PTPRE: variants seen among roughly 807,000 people sequenced by gnomAD.
The protein encoded by PTPRE is receptor-type tyrosine-protein phosphatase epsilon.
Under a neutral mutation model 102.0 loss-of-function variants are expected in PTPRE, and 51 were observed. The observed-to-expected ratio is 0.50, with a 90% CI of 0.40 to 0.63. The LOEUF (loss-of-function observed/expected upper bound fraction) is 0.63, where lower values mean the gene tolerates loss of function less well. Among genes scored for constraint, PTPRE ranks in the 30% least tolerant of loss-of-function variants. The pLI is 0.00. For missense variants in PTPRE, 752 were observed against 915.1 expected (o/e 0.82, Z 2.30); for synonymous variants, 345 against 348.2 (o/e 0.99, Z 0.10).
intron 1 of PTPRE, among the ~76,000 whole-genome samples, chr10:127,911,129 C>T (rs1413168976): frequency 2.6e-5 from 4 of 152,038 alleles, no homozygotes; most frequent in African/African-American, 9.7e-5. Flanking sequence ...TGAACCAAGC[C>T]AAAAACCATA....
At chr10:127,908,283 G>A (rs1361810071) in intron 1 of PTPRE, among the ~76,000 whole-genome samples, 1 of 152,138 alleles carries the variant, frequency 6.6e-6, no homozygotes, top group African/African-American at 2.4e-5. Flanking sequence ...GTGATCACGT[G>A]ATACAGAAAT....
intron 1 of PTPRE, among the ~76,000 whole-genome samples, chr10:127,931,967 A>G (rs947641513): frequency 6.6e-5 from 10 of 152,336 alleles, no homozygotes; most frequent in African/African-American, 2.4e-4. Context: ...TTATATGGTC[A>G]GCCAAGTTTT....
chr10:128,068,350 C>T (rs181058097), intron 12 of PTPRE, 64 bp downstream of exon 12: 33 of 1,527,268 alleles, frequency 2.2e-5, no homozygotes, highest in Non-Finnish European at 2.7e-5. Context: ...GACTCATCCT[C>T]ATGGGCAATG....
chr10:127,938,402 C>T (rs1847982460), intron 1 of PTPRE, among the ~76,000 whole-genome samples: 1 of 151,904 alleles, frequency 6.6e-6, no homozygotes, highest in African/African-American at 2.4e-5. Context: ...AGGGTGGGCT[C>T]AGCTCACCCT....
intron 1 of PTPRE, among the ~76,000 whole-genome samples, chr10:127,921,102 T>C (rs1024722782): frequency 2.6e-5 from 4 of 152,194 alleles, no homozygotes. Flanking sequence ...TTGGCAAGTG[T>C]CCTATTTTCA....
Position 127,944,788 on chromosome 10 carries a change from A to G in PTPRE, c.-31+37479A>G, listed in dbSNP as rs935694857. Among the ~76,000 whole-genome samples the G allele has an allele frequency of 3.3e-5, 5 of 152,314 alleles. No homozygotes were observed. The highest frequency in any genetic ancestry group is 1.2e-4 in the African/African-American group (5 of 41,576). ...AAGAGACTAGCTAGGGGGTTGTTGC[A>G]GTGAAAGAAGATAGTGGCATAAAAT... On this transcript the variant is annotated intron_variant, in intron 1 of 20. Transcript: ENST00000254667. The surrounding 1 kb of genome is among the most constrained non-coding windows in gnomAD (Gnocchi z 4.2).
At chr10:127,967,028 C>T (rs1367167094) in intron 1 of PTPRE, among the ~76,000 whole-genome samples, 1 of 152,176 alleles carries the variant, frequency 6.6e-6, no homozygotes, top group Non-Finnish European at 1.5e-5. Context: ...AACAAACAAA[C>T]ACTTCAAGGG....
intron 6 of PTPRE, among the ~76,000 whole-genome samples, chr10:128,052,692 G>A (rs931173896): frequency 4.6e-4 from 70 of 152,144 alleles, no homozygotes; most frequent in Non-Finnish European, 8.1e-4. Flanking sequence ...AGACAGGCTC[G>A]TCCCTACCTC....
intron 10 of PTPRE, among the ~76,000 whole-genome samples, chr10:128,065,379 A>C (rs1849990730): frequency 1.3e-5 from 2 of 152,038 alleles, no homozygotes; most frequent in African/African-American, 4.8e-5. Flanking sequence ...TTCACTCGCG[A>C]AGTGATGGAG....
chr10:128,082,764 A>T (rs1851835888), intron 20 of PTPRE, 68 bp from the exon 21 acceptor site: 2 of 1,488,218 alleles, frequency 1.3e-6, no homozygotes. Flanking sequence ...GTTTTTGAGT[A>T]TTTCTCCTGA....
chr10:127,989,410 G>A (rs1852411145), intron 2 of PTPRE, among the ~76,000 whole-genome samples: 1 of 152,206 alleles, frequency 6.6e-6, no homozygotes. Context: ...TACAAAGCAT[G>A]CTCAAATTCA....
chr10:127,943,694 G>C (rs1848411090), intron 1 of PTPRE, among the ~76,000 whole-genome samples: 1 of 152,244 alleles, frequency 6.6e-6, no homozygotes, highest in African/African-American at 2.4e-5. Flanking sequence ...GTATTGGAGA[G>C]ACTCAGCCAC....
chr10:128,017,040 C>T (rs1046965167), intron 2 of PTPRE, among the ~76,000 whole-genome samples: 2 of 152,264 alleles, frequency 1.3e-5, no homozygotes, highest in African/African-American at 2.4e-5. Context: ...GTCATGCACA[C>T]GCATTGAGCA....
At position 128,070,089 on chromosome 10, in the gene PTPRE, C is replaced by T. The variant is rs934534757; in HGVS notation, c.1144-212C>T. On this transcript the variant is annotated intron_variant, in intron 13 of 20. Transcript: ENST00000254667. The surrounding 1 kb of genome is among the most constrained non-coding windows in gnomAD (Gnocchi z 4.8). ...GCATGTACACAGTGCGTGGCGTGCT[C>T]ACCAATGTGAGGCTCTGCTGCTACC... 1 of 695,740 alleles carries T rather than the reference C, an allele frequency of 1.4e-6. No individual in the cohort carries two copies. The highest frequency in any genetic ancestry group is 2.4e-6 in the Non-Finnish European group (1 of 423,256). 43.1% of individuals were successfully genotyped at this position (695,740 alleles called of 1,614,324 possible). A position where few individuals can be genotyped will look rare whatever the true frequency, so the allele number is the denominator to read the frequency against.
intron 2 of PTPRE, among the ~76,000 whole-genome samples, chr10:128,009,549 G>A (rs575674429): frequency 9.7e-4 from 148 of 152,308 alleles, no homozygotes; most frequent in African/African-American, 2.9e-3. Context: ...AGCTTCCCCC[G>A]AGGTGCAGCG....
intron 17 of PTPRE, 100 bp from the exon 18 acceptor site, chr10:128,076,503 A>T: frequency 7.8e-7 from 1 of 1,275,756 alleles, no homozygotes; most frequent in Non-Finnish European, 1.1e-6. Context: ...GTCAGATGAA[A>T]TACATTAACT....
rs926550704 is a variant in PTPRE, at chr10:128,072,377, G to C, written c.1464+163G>C. The C allele has an allele frequency of 6.1e-5, 39 of 642,844 alleles. No individual in the cohort carries two copies. The South Asian group carries it at 6.5e-4, about 11-fold the overall frequency. The allele number at this position is 642,844 out of a possible 1,614,324, so 39.8% of individuals were successfully genotyped here. A position where few individuals can be genotyped will look rare whatever the true frequency, so the allele number is the denominator to read the frequency against. On this transcript the variant is annotated intron_variant, in intron 16 of 20. Transcript: ENST00000254667. ...CTTGCTTAAAAAAAAAAGTGGCAAG[G>C]CACGATGGCTCACACCTGTAATCCC... is the stretch of plus-strand genomic sequence containing the variant.
At chr10:128,047,639 C>A in intron 4 of PTPRE, 125 bp from the exon 5 acceptor site, 1 of 1,613,890 alleles carries the variant, frequency 6.2e-7, no homozygotes, top group Non-Finnish European at 8.5e-7. Context: ...GGCCTTAGCG[C>A]GGCTCAGCCA....
chr10:127,979,361 G>A (rs576374143), intron 1 of PTPRE, among the ~76,000 whole-genome samples: 46 of 152,182 alleles, frequency 3.0e-4, no homozygotes, highest in Non-Finnish European at 3.5e-4. Flanking sequence ...AGCCATCAGC[G>A]TCGCAGTGTT....
Sources: allele counts gnomAD v4.1 joint callset (sites outside exome capture counted in the v4.1 genomes callset), GRCh38; gene constraint gnomAD v4.1.1; non-coding constraint Gnocchi (gnomAD v3.1); transcripts MANE v1.5; gene names NCBI Gene and HGNC (gene_info 2026-07-23, HGNC 2026-07-21).